Variants in CALU observed in about 807,000 individuals in gnomAD.
CALU encodes calumenin.
In CALU, 13 loss-of-function variants were observed where a neutral mutation model predicts 37.5. That is an observed-to-expected ratio of 0.35 (90% CI 0.23 to 0.55). The LOEUF (loss-of-function observed/expected upper bound fraction) is 0.55. Among genes scored for constraint, CALU ranks in the 20% least tolerant of loss-of-function variants. The pLI, the probability that CALU is intolerant of heterozygous loss-of-function variation, is 0.89. For missense variants in CALU, 282 were observed against 391.7 expected (o/e 0.72, Z 2.36); for synonymous variants, 114 against 133.8 (o/e 0.85, Z 1.02).
At chr7:128,768,566 C>T (rs1455285734) in intron 6 of CALU, among the ~76,000 whole-genome samples, 5 of 152,116 alleles carry the variant, frequency 3.3e-5, no homozygotes, top group South Asian at 2.1e-4. Flanking sequence ...TGGCCTGGCA[C>T]GATGGCTCAC....
At chr7:128,763,031 C>T (rs1321266086) in intron 5 of CALU, among the ~76,000 whole-genome samples, 1 of 152,140 alleles carries the variant, frequency 6.6e-6, no homozygotes, top group Non-Finnish European at 1.5e-5. Flanking sequence ...AATCAACTTA[C>T]AGCCAGTTTT....
chr7:128,762,368 C>CTTTTTTTT (rs547572221), intron 5 of CALU, among the ~76,000 whole-genome samples: 1 of 131,524 alleles, frequency 7.6e-6, no homozygotes, highest in Non-Finnish European at 1.6e-5. Flanking sequence ...TGCATGTGTG[C>CTTTTTTTT]TTTTTTTTTT....
At chr7:128,750,220 C>CAAAAA (rs398006225) in intron 2 of CALU, among the ~76,000 whole-genome samples, 11 of 75,090 alleles carry the variant, frequency 1.5e-4, no homozygotes, top group African/African-American at 5.4e-4. Context: ...AGAGCCATCT[C>CAAAAA]AAAAAAAAAA....
rs372680764 is a variant in CALU, at chr7:128,767,667, G to T, written c.843+12G>T. On this transcript the variant is annotated intron_variant, in intron 6 of 6. Transcript: ENST00000249364. The stretch of plus-strand genomic sequence containing the variant: ...CAGACCAAAACAAGGTAAGTCTGGC[G>T]AGGCCCACACGCTCTATCCTTGATT... The T allele has an allele frequency of 3.1e-6, 5 of 1,608,622 alleles. No homozygotes were observed. Among genetic ancestry groups the T allele is most frequent in the East Asian group, 4.5e-5 (2 of 44,842 alleles).
chr7:128,766,000 A>G (rs1801313428), intron 5 of CALU, among the ~76,000 whole-genome samples: 1 of 152,226 alleles, frequency 6.6e-6, no homozygotes, highest in African/African-American at 2.4e-5. Context: ...TCTCTCACCC[A>G]GGCTGTAGTA....
At chr7:128,746,762 C>CTTTTTTTTTTTTT in intron 1 of CALU, among the ~76,000 whole-genome samples, 1 of 122,660 alleles carries the variant, frequency 8.2e-6, no homozygotes, top group African/African-American at 3.4e-5. Context: ...TCATGTCATT[C>CTTTTTTTTTTTTT]TTTTTTTTTT....
chr7:128,739,770 ATT>A (rs540348954), intron 1 of CALU, among the ~76,000 whole-genome samples: 2 of 152,040 alleles, frequency 1.3e-5, no homozygotes, highest in East Asian at 3.9e-4. Flanking sequence ...CCAGAGGGTC[ATT>A]TTTTGCCTCC....
At chr7:128,745,477 C>T (rs1800396805) in intron 1 of CALU, among the ~76,000 whole-genome samples, 1 of 151,710 alleles carries the variant, frequency 6.6e-6, no homozygotes, top group African/African-American at 2.4e-5. Flanking sequence ...TGGTGGTACA[C>T]ACTTGTATTC....
At position 128,769,220 on chromosome 7, in the gene CALU, G is replaced by T; in HGVS notation, c.*53G>T. On this transcript the variant is annotated 3_prime_UTR_variant, in exon 7 of 7. Transcript: ENST00000249364. ...AAGTAATTTATTTTTACAGCTTCTGGTTTCACATGAAATTGTTTGCGCTAC... is the reference window on the plus strand; with the variant it reads ...AAGTAATTTATTTTTACAGCTTCTGTTTTCACATGAAATTGTTTGCGCTAC... The T allele has an allele frequency of 1.0e-6, 1 of 958,844 alleles. No homozygotes were observed. The highest frequency in any genetic ancestry group is 1.5e-5 in the South Asian group (1 of 68,816). The allele number at this position is 958,844 out of a possible 1,614,324, so 59.4% of individuals were successfully genotyped here.
intron 1 of CALU, 191 bp from the exon 2 acceptor site, chr7:128,748,382 C>T (rs1800526581): frequency 2.0e-6 from 3 of 1,490,932 alleles, no homozygotes; most frequent in Non-Finnish European, 2.7e-6. Context: ...AAATTTCTCA[C>T]TGTAATAATT....
chr7:128,768,293 G>GT (rs890641944), intron 6 of CALU, among the ~76,000 whole-genome samples: 1 of 152,090 alleles, frequency 6.6e-6, no homozygotes, highest in African/African-American at 2.4e-5. Flanking sequence ...TTCAAATTCA[G>GT]TTTTTTATTT....
chr7:128,747,538 C>T (rs1167703516), intron 1 of CALU: 1 of 152,000 alleles, frequency 6.6e-6, no homozygotes, highest in Non-Finnish European at 1.5e-5. Flanking sequence ...GATATGTCCT[C>T]CTCTGCCATT....
chr7:128,744,803 G>A (rs1266527721), intron 1 of CALU, among the ~76,000 whole-genome samples: 1 of 152,148 alleles, frequency 6.6e-6, no homozygotes, highest in Non-Finnish European at 1.5e-5. Flanking sequence ...GAATGGAGGA[G>A]CCTGTTTAAG....
At chr7:128,750,238 AAAG>A (rs1320013858) in intron 2 of CALU, among the ~76,000 whole-genome samples, 2 of 81,716 alleles carry the variant, frequency 2.4e-5, no homozygotes, top group Admixed American at 1.2e-4. Context: ...AAAAAAAAAA[AAAG>A]AAAATAGAAA....
At chr7:128,768,846 T>TTAAAAAAAAAAAAA (rs1377495395) in intron 6 of CALU, among the ~76,000 whole-genome samples, 1 of 22,930 alleles carries the variant, frequency 4.4e-5, no homozygotes, top group Non-Finnish European at 8.1e-5. Flanking sequence ...AAACTCCGTC[T>TTAAAAAAAAAAAAA]CAAAAAAAAA....
intron 3 of CALU, among the ~76,000 whole-genome samples, chr7:128,756,995 C>G (rs1280591252): frequency 2.6e-5 from 4 of 151,996 alleles, no homozygotes; most frequent in South Asian, 2.1e-4. Flanking sequence ...AGGAGGATTG[C>G]TTGAGCCCCA....
chr7:128,765,205 C>G (rs773101351), intron 5 of CALU, among the ~76,000 whole-genome samples: 11 of 151,966 alleles, frequency 7.2e-5, no homozygotes, highest in African/African-American at 2.7e-4. Context: ...ATCAGCCACC[C>G]GACCTCCTGT....
chr7:128,764,956 C>G (rs1014225962), intron 5 of CALU, among the ~76,000 whole-genome samples: 5 of 152,186 alleles, frequency 3.3e-5, no homozygotes, highest in Admixed American at 1.3e-4. Context: ...GAGTCTCATT[C>G]TGTTGCCCAT....
intron 2 of CALU, among the ~76,000 whole-genome samples, chr7:128,750,892 A>G (rs148891480): frequency 1.2e-3 from 187 of 152,350 alleles, no homozygotes; most frequent in African/African-American, 4.2e-3. Flanking sequence ...ACAATTCAAT[A>G]TACAAGTTTC....
Sources: allele counts gnomAD v4.1 joint callset (sites outside exome capture counted in the v4.1 genomes callset), GRCh38; gene constraint gnomAD v4.1.1; transcripts MANE v1.5; gene names NCBI Gene and HGNC (gene_info 2026-07-23, HGNC 2026-07-21).